Variants in SLC26A11 observed in about 807,000 individuals in gnomAD.
SLC26A11 encodes solute carrier family 26 member 11.
SLC26A11 carries 58 observed loss-of-function variants against 62.2 expected under a neutral mutation model. The ratio of observed to expected loss-of-function variants is 0.93; its 90% CI spans 0.76 to 1.16. The LOEUF is 1.16. Among genes scored for constraint, SLC26A11 ranks in the 50% most tolerant of loss-of-function variants. The probability of loss-of-function intolerance (pLI) is 0.00; values close to 1 mark genes in which losing one functional copy is unlikely to be tolerated. For synonymous variants in SLC26A11, 411 were observed against 368.9 expected (o/e 1.11, Z -1.31); for missense variants, 790 against 794.3 (o/e 0.99, Z 0.06).
chr17:80,248,040 G>T (rs954762617), intron 13 of SLC26A11, 90 bp from the exon 14 acceptor site: 9 of 1,434,842 alleles, frequency 6.3e-6, no homozygotes, highest in South Asian at 4.3e-5. Flanking sequence ...ACTCATATGT[G>T]GGGGGCAGAA....
chr17:80,226,087 TG>T (rs2042401721), intron 6 of SLC26A11, among the ~76,000 whole-genome samples, 171 bp downstream of exon 6: 1 of 152,126 alleles, frequency 6.6e-6, no homozygotes, highest in African/African-American at 2.4e-5. Flanking sequence ...CTCAGTCCTT[TG>T]CAGACCTGCC....
At chr17:80,232,944 G>T (rs1003290968) in intron 7 of SLC26A11, among the ~76,000 whole-genome samples, 1 of 152,060 alleles carries the variant, frequency 6.6e-6, no homozygotes, top group Non-Finnish European at 1.5e-5. Flanking sequence ...TCAACTTCAT[G>T]TGATATAAGA....
At chr17:80,247,446 G>A (rs1293866128) in intron 13 of SLC26A11, among the ~76,000 whole-genome samples, 3 of 152,306 alleles carry the variant, frequency 2.0e-5, no homozygotes, top group Non-Finnish European at 4.4e-5. Flanking sequence ...TCACCTCCCG[G>A]ACGGGAGCAG....
intron 7 of SLC26A11, among the ~76,000 whole-genome samples, chr17:80,233,945 G>C (rs1240616785): frequency 1.3e-5 from 2 of 151,550 alleles, no homozygotes; most frequent in African/African-American, 2.4e-5. Context: ...AGATAGTTTT[G>C]CTGGTTATAG....
In SLC26A11 at chr17:80,223,765, CT is replaced by C. The variant is rs150257881; in HGVS notation, c.513+436del. 0.047 allele frequency among the ~76,000 whole-genome samples: 7,198 copies of C among 152,016 alleles called. 585 individuals carry two copies. The highest frequency in any genetic ancestry group is 0.16 in the African/African-American group (6,777 of 41,422). Reference sequence around the variant, plus strand: ...TTTAGTTAGATGGTTTTGTTTTGTGCTTTTTTTTCTGGTTTCTGTTTAATAT... The same window carrying C: ...TTTAGTTAGATGGTTTTGTTTTGTGCTTTTTTTCTGGTTTCTGTTTAATAT... On this transcript the variant is annotated intron_variant, in intron 5 of 17. Coordinates refer to ENST00000361193, the MANE Select transcript of SLC26A11 (RefSeq NM_001166347.2). The surrounding 1 kb of genome is among the most constrained non-coding windows in gnomAD (Gnocchi z 4.6).
intron 17 of SLC26A11, among the ~76,000 whole-genome samples, chr17:80,251,846 C>T (rs990706554): frequency 2.0e-5 from 3 of 151,944 alleles, no homozygotes; most frequent in African/African-American, 7.3e-5. Context: ...CCCCTAAACA[C>T]GCATATGTAC....
chr17:80,240,966 G>A (rs1015722517), intron 9 of SLC26A11, among the ~76,000 whole-genome samples: 4 of 151,810 alleles, frequency 2.6e-5, no homozygotes, highest in African/African-American at 9.7e-5. Context: ...AAATTAGCCG[G>A]GCATGGACCA....
intron 15 of SLC26A11, 103 bp from the exon 16 acceptor site, chr17:80,249,050 TG>T: frequency 7.1e-7 from 1 of 1,402,284 alleles, no homozygotes; most frequent in Non-Finnish European, 9.5e-7. Context: ...TGGAGCACTC[TG>T]GCCTCTCTGT....
rs925975124 is a variant in SLC26A11, at chr17:80,240,431, G to C, written c.986-1340G>C. Among the ~76,000 whole-genome samples, 5 of 151,788 alleles carry C rather than the reference G, an allele frequency of 3.3e-5. 1 individual carries two copies. Among genetic ancestry groups the C allele is most frequent in the African/African-American group, 7.3e-5 (3 of 41,316 alleles). On this transcript the variant is annotated intron_variant, in intron 9 of 17. Transcript: ENST00000361193. ...TCCTGTGCCTTCCCCTAAAACCTTC[G>C]CCTGCTCACCTCTCTGAGATGGCCC...
chr17:80,236,818 TG>T (rs2042705842), intron 7 of SLC26A11, 109 bp from the exon 8 acceptor site: 4 of 1,153,512 alleles, frequency 3.5e-6, no homozygotes, highest in South Asian at 2.9e-5. Flanking sequence ...TGTGGCCCGG[TG>T]GGGGCGTCTC....
chr17:80,252,755 C>T lies in SLC26A11; in HGVS notation c.*39C>T. 1 of 1,574,520 alleles carries T rather than the reference C, an allele frequency of 6.4e-7. No homozygotes were observed. Among genetic ancestry groups the T allele is most frequent in the Non-Finnish European group, 8.7e-7 (1 of 1,148,600 alleles). ...GGGCATCCACAGTTTGCAGGGTGTTCCGGAAGGTTCTTGTCACTGTGATTG... is the reference window on the plus strand; with the variant it reads ...GGGCATCCACAGTTTGCAGGGTGTTTCGGAAGGTTCTTGTCACTGTGATTG... On this transcript the variant is annotated 3_prime_UTR_variant, in exon 18 of 18. Coordinates refer to ENST00000361193, the MANE Select transcript of SLC26A11 (RefSeq NM_001166347.2). The surrounding 1 kb of genome is among the most constrained non-coding windows in gnomAD (Gnocchi z 5.2).
chr17:80,242,759 A>G (rs1434128536), intron 10 of SLC26A11, among the ~76,000 whole-genome samples: 1 of 152,188 alleles, frequency 6.6e-6, no homozygotes, highest in Non-Finnish European at 1.5e-5. Flanking sequence ...CCCAGGCTAG[A>G]GTGCAGTGGT....
intron 11 of SLC26A11, 90 bp downstream of exon 11, chr17:80,245,346 C>A: frequency 7.5e-7 from 1 of 1,339,442 alleles, no homozygotes; most frequent in Non-Finnish European, 1.1e-6. Flanking sequence ...CTGACCCCGG[C>A]GCCCCGTCCT....
At chr17:80,245,977 G>A (rs527606459) in intron 11 of SLC26A11, among the ~76,000 whole-genome samples, 177 bp from the exon 12 acceptor site, 52 of 152,322 alleles carry the variant, frequency 3.4e-4, no homozygotes, top group African/African-American at 8.9e-4. Flanking sequence ...TGGCCCAAGC[G>A]CGGCTGTCTG....
chr17:80,250,418 C>A (rs982757659), intron 16 of SLC26A11, among the ~76,000 whole-genome samples: 4 of 152,188 alleles, frequency 2.6e-5, no homozygotes, highest in East Asian at 1.9e-4. Flanking sequence ...CACGGTCACA[C>A]AGGATGGTGG....
chr17:80,246,203 G>C lies in SLC26A11; in HGVS notation c.1147G>C (p.Val383Leu), dbSNP rs1304103622. Residue 383 changes from valine (V) to leucine (L), a missense_variant, in exon 12 of 18, where the codon GTG becomes CTG. Coordinates refer to ENST00000361193, the MANE Select transcript of SLC26A11 (RefSeq NM_001166347.2). The surrounding 1 kb of genome is among the most constrained non-coding windows in gnomAD (Gnocchi z 4.4). ...GGTGTGCACCCCGGCGGGGGGCCTG[G>C]TGACGGGTAAGGCCCCCCATCTTCC... Reference protein sequence around the residue: ...SGVCTPAGGLVTGVLVLLSLD... With the variant: ...SGVCTPAGGLLTGVLVLLSLD... The C allele has an allele frequency of 6.2e-7, 1 of 1,611,546 alleles. No individual in the cohort carries two copies. The highest frequency in any genetic ancestry group is 1.3e-5 in the African/African-American group (1 of 75,014).
At chr17:80,225,759 G>C (rs2042390424) in intron 5 of SLC26A11, 78 bp from the exon 6 acceptor site, 2 of 1,257,192 alleles carry the variant, frequency 1.6e-6, no homozygotes, top group Non-Finnish European at 1.2e-6. Flanking sequence ...AGCCCTAGGG[G>C]AGGTGGGCGG....
chr17:80,252,585 G>A lies in SLC26A11; in HGVS notation c.1730-40G>A. The A allele has an allele frequency of 6.3e-7, 1 of 1,597,624 alleles. No individual in the cohort carries two copies. Among genetic ancestry groups the A allele is most frequent in the Non-Finnish European group, 8.6e-7 (1 of 1,167,076 alleles). ...TGTGAACTGACCCATCCTCACTTCTGAGCTTTTAGTGCTTGAAACATTTAT... is the reference window on the plus strand; with the variant it reads ...TGTGAACTGACCCATCCTCACTTCTAAGCTTTTAGTGCTTGAAACATTTAT... On this transcript the variant is annotated intron_variant, in intron 17 of 17. Transcript: ENST00000361193. This position sits in a 1 kb window ranked among gnomAD's most constrained non-coding sequence, Gnocchi z 5.2.
At chr17:80,233,583 C>CTTT (rs1345270511) in intron 7 of SLC26A11, among the ~76,000 whole-genome samples, 67 of 62,354 alleles carry the variant, frequency 1.1e-3, no homozygotes, top group African/African-American at 3.3e-3. Flanking sequence ...ACTCTTTCAG[C>CTTT]ATTTTTTTTT....
Sources: allele counts gnomAD v4.1 joint callset (sites outside exome capture counted in the v4.1 genomes callset), GRCh38; gene constraint gnomAD v4.1.1; non-coding constraint Gnocchi (gnomAD v3.1); transcripts MANE v1.5; gene names NCBI Gene and HGNC (gene_info 2026-07-23, HGNC 2026-07-21).